Variants in RETREG1 observed in about 807,000 individuals in gnomAD.
RETREG1 encodes reticulophagy regulator 1, also known as family with sequence similarity 134 member B.
Under a neutral mutation model 54.8 loss-of-function variants are expected in RETREG1, and 44 were observed. The ratio of observed to expected loss-of-function variants is 0.80; its 90% CI spans 0.63 to 1.03. The LOEUF is 1.03. Among genes scored for constraint, RETREG1 ranks in the 50% least tolerant of loss-of-function variants. The pLI is 0.00. For synonymous variants in RETREG1, 217 were observed against 238.5 expected (o/e 0.91, Z 0.83); for missense variants, 554 against 605.1 (o/e 0.92, Z 0.89).
chr5:16,538,894 CG>C (rs1741157110), intron 3 of RETREG1, among the ~76,000 whole-genome samples: 1 of 152,042 alleles, frequency 6.6e-6, no homozygotes, highest in Non-Finnish European at 1.5e-5. Context: ...TTAGTAGAAA[CG>C]GGGTTTCAAC....
chr5:16,602,042 A>C (rs151150437), intron 1 of RETREG1, among the ~76,000 whole-genome samples: 96 of 152,310 alleles, frequency 6.3e-4, no homozygotes, highest in Middle Eastern at 6.8e-3. Context: ...GAGCGGGATA[A>C]AGATGTTTTC....
intron 3 of RETREG1, among the ~76,000 whole-genome samples, chr5:16,501,659 C>T (rs930566748): frequency 6.6e-6 from 1 of 152,024 alleles, no homozygotes; most frequent in Non-Finnish European, 1.5e-5. Flanking sequence ...TCTTCTGCCT[C>T]AGCCTCCCAA....
chr5:16,514,473 G>A (rs986923499), intron 3 of RETREG1, among the ~76,000 whole-genome samples: 22 of 152,092 alleles, frequency 1.4e-4, no homozygotes, highest in South Asian at 4.1e-4. Flanking sequence ...AGTATATTCC[G>A]TGTTATTTTT....
At chr5:16,529,530 C>T (rs918259476) in intron 3 of RETREG1, among the ~76,000 whole-genome samples, 4 of 152,126 alleles carry the variant, frequency 2.6e-5, no homozygotes. Context: ...ATATCAGGTG[C>T]AAATCAAACC....
chr5:16,536,700 AATT>A (rs1226205990), intron 3 of RETREG1, among the ~76,000 whole-genome samples: 1 of 152,198 alleles, frequency 6.6e-6, no homozygotes, highest in African/African-American at 2.4e-5. Context: ...AAAAATCACA[AATT>A]ATCATGGAGT....
chr5:16,607,622 A>G (rs1743232503), intron 1 of RETREG1, among the ~76,000 whole-genome samples: 1 of 152,126 alleles, frequency 6.6e-6, no homozygotes. Flanking sequence ...TCAATTTAAA[A>G]AAACAAAAAA....
chr5:16,499,893 T>C (rs993553103), intron 3 of RETREG1, among the ~76,000 whole-genome samples: 4 of 152,224 alleles, frequency 2.6e-5, no homozygotes, highest in Non-Finnish European at 5.9e-5. Flanking sequence ...GCAAAGAATC[T>C]GCAGTCTGGT....
At position 16,483,408 on chromosome 5, in the gene RETREG1, A is replaced by G. The variant is rs757242514; in HGVS notation, c.523T>C (p.Trp175Arg). Residue 175 changes from tryptophan to arginine, a missense_variant, in exon 4 of 9, where the codon TGG becomes CGG. By Grantham distance (101) the Trp-to-Arg change is moderately radical. Coordinates refer to ENST00000306320, the MANE Select transcript of RETREG1 (RefSeq NM_001034850.3). Reference protein sequence around the residue: ...PRLSHCIAESWMNFSIFLQEM... With the variant: ...PRLSHCIAESRMNFSIFLQEM... ...TGAAGAAATATGCTGAAATTCATCC[A>G]TGATTCTGCAATACAGTGGCTGAGC... 5.6e-6 allele frequency: 9 copies of G among 1,613,394 alleles called. No individual in the cohort carries two copies. The highest frequency in any genetic ancestry group is 2.2e-5 in the South Asian group (2 of 91,056).
intron 3 of RETREG1, among the ~76,000 whole-genome samples, chr5:16,552,719 T>C (rs767426952): frequency 6.6e-6 from 1 of 152,206 alleles, no homozygotes; most frequent in Non-Finnish European, 1.5e-5. Context: ...AACATATGAG[T>C]ATCCATGCAC....
rs182555863 is a variant in RETREG1, at chr5:16,557,298, T to A, written c.458+8465A>T. ...AATTGTTCAGCATGAGACTTTTTTTTAAAACTCATAATTTTTTATGTAGGT... is the reference window on the plus strand; with the variant it reads ...AATTGTTCAGCATGAGACTTTTTTTAAAAACTCATAATTTTTTATGTAGGT... On this transcript the variant is annotated intron_variant, in intron 3 of 8. Transcript: ENST00000306320. 5.3e-5 allele frequency among the ~76,000 whole-genome samples: 8 copies of A among 152,368 alleles called. No homozygotes were observed. In the East Asian group the frequency reaches 1.2e-3, roughly 22 times the overall value.
intron 1 of RETREG1, among the ~76,000 whole-genome samples, chr5:16,612,137 A>G (rs1743361632): frequency 6.6e-6 from 1 of 152,098 alleles, no homozygotes. Flanking sequence ...AGGGAAGTCC[A>G]ACCTAGTCAA....
rs76644004 is a variant in RETREG1, at chr5:16,603,268, C to T, written c.320+13384G>A. The stretch of plus-strand genomic sequence containing the variant: ...CTATATATTCTGTAATTGCAGCTTT[C>T]ATTTTTTTCTTTGACCCAAGGGATA... On this transcript the variant is annotated intron_variant, in intron 1 of 8. Coordinates refer to ENST00000306320, the MANE Select transcript of RETREG1 (RefSeq NM_001034850.3). 2.0e-3 allele frequency among the ~76,000 whole-genome samples: 307 copies of T among 152,268 alleles called. 1 individual carries two copies. Among genetic ancestry groups the T allele is most frequent in the African/African-American group, 5.5e-3 (227 of 41,554 alleles).
rs546489813 is a variant in RETREG1 at position 16,578,616 on chromosome 5, C to G, written c.321-6514G>C. On this transcript the variant is annotated intron_variant, in intron 1 of 8. Transcript: ENST00000306320. Reference sequence around the variant, plus strand: ...GCTCAGAGGTCATCTGATTTACTTTCATCTGATCCACAAATCCCCTCAGCT... The same window carrying G: ...GCTCAGAGGTCATCTGATTTACTTTGATCTGATCCACAAATCCCCTCAGCT... 2.0e-5 allele frequency among the ~76,000 whole-genome samples: 3 copies of G among 152,324 alleles called. No individual in the cohort carries two copies. The South Asian group carries it at 6.2e-4, about 32-fold the overall frequency.
rs573942436 is a variant in RETREG1, at chr5:16,593,141, T to G, written c.321-21039A>C. On this transcript the variant is annotated intron_variant, in intron 1 of 8. Transcript: ENST00000306320. The surrounding 1 kb of genome is among the most constrained non-coding windows in gnomAD (Gnocchi z 4.9). Reference sequence around the variant, plus strand: ...AGTGAACCCCTGACTCACCATCCCATGCCCAGTGGTCACACTCAGCAAGGA... The same window carrying G: ...AGTGAACCCCTGACTCACCATCCCAGGCCCAGTGGTCACACTCAGCAAGGA... 2.6e-5 allele frequency among the ~76,000 whole-genome samples: 4 copies of G among 152,326 alleles called. No homozygotes were observed. Among genetic ancestry groups the G allele is most frequent in the Admixed American group, 6.5e-5 (1 of 15,302 alleles).
chr5:16,503,783 G>C (rs1739828992), intron 3 of RETREG1, among the ~76,000 whole-genome samples: 2 of 152,074 alleles, frequency 1.3e-5, no homozygotes, highest in African/African-American at 4.8e-5. Flanking sequence ...AGCACAGTTA[G>C]AATTAAATGC....
chr5:16,535,100 T>G (rs1405493293), intron 3 of RETREG1, among the ~76,000 whole-genome samples: 4 of 152,258 alleles, frequency 2.6e-5, no homozygotes, highest in Non-Finnish European at 5.9e-5. Context: ...GCTGGAATTC[T>G]AATAAATTAG....
intron 3 of RETREG1, among the ~76,000 whole-genome samples, chr5:16,536,844 C>T (rs886239233): frequency 1.3e-5 from 2 of 152,200 alleles, no homozygotes; most frequent in African/African-American, 4.8e-5. Context: ...GTTTTTCCAA[C>T]ATGAATTTGC....
chr5:16,528,101 G>T (rs192570335), intron 3 of RETREG1, among the ~76,000 whole-genome samples: 231 of 152,132 alleles, frequency 1.5e-3, no homozygotes, highest in African/African-American at 5.3e-3. Flanking sequence ...GAGCCACCGC[G>T]CCCGGCCAGG....
chr5:16,492,841 G>C (rs944150113), intron 3 of RETREG1, among the ~76,000 whole-genome samples: 3 of 152,144 alleles, frequency 2.0e-5, no homozygotes, highest in Non-Finnish European at 4.4e-5. Flanking sequence ...CACTGAATTA[G>C]AACCATGACA....
Sources: allele counts gnomAD v4.1 joint callset (sites outside exome capture counted in the v4.1 genomes callset), GRCh38; gene constraint gnomAD v4.1.1; non-coding constraint Gnocchi (gnomAD v3.1); transcripts MANE v1.5; gene names NCBI Gene and HGNC (gene_info 2026-07-23, HGNC 2026-07-21).